The following ALK variants were observed in gnomAD, a reference collection of about 807,000 sequenced individuals.
ALK encodes ALK tyrosine kinase receptor.
A neutral mutation model predicts 163.1 loss-of-function variants in ALK; 74 were observed. The ratio of observed to expected loss-of-function variants is 0.45; its 90% CI spans 0.38 to 0.55. ALK has a LOEUF of 0.55. Ranked by LOEUF, ALK falls within the 20% of genes least tolerant of loss-of-function variation. ALK has a pLI of 0.00. For missense variants in ALK, 2,063 were observed against 2,105.3 expected, an observed-to-expected ratio of 0.98 and a Z score of 0.39; for synonymous variants, 960 against 843.2, an observed-to-expected ratio of 1.14 and a Z score of -2.40.
At chr2:29,852,840 CT>C (rs2148401872) in intron 1 of ALK, among the ~76,000 whole-genome samples, 2 of 27,688 alleles carry the variant, frequency 7.2e-5, no homozygotes, top group East Asian at 9.7e-4. Flanking sequence ...CTTTCTCTCT[CT>C]CTCTCTCTCT....
At chr2:29,211,160 A>C (rs1372656147) in intron 24 of ALK, among the ~76,000 whole-genome samples, 1 of 152,218 alleles carries the variant, frequency 6.6e-6, no homozygotes, top group African/African-American at 2.4e-5. Context: ...CTGAGGGTAC[A>C]AGAATAACGG....
chr2:29,640,113 C>A (rs1404715449), intron 3 of ALK, among the ~76,000 whole-genome samples: 1 of 152,182 alleles, frequency 6.6e-6, no homozygotes, highest in Non-Finnish European at 1.5e-5. Context: ...CCTCCAGTTC[C>A]CCCTTCTGTC....
intron 1 of ALK, among the ~76,000 whole-genome samples, chr2:29,891,926 G>A (rs945717464): frequency 3.3e-5 from 5 of 152,160 alleles, no homozygotes; most frequent in Admixed American, 3.3e-4. Context: ...CTGACCACAT[G>A]TCTTTTGCTT....
chr2:29,510,697 A>C (rs1226889403), intron 4 of ALK, among the ~76,000 whole-genome samples: 1 of 152,256 alleles, frequency 6.6e-6, no homozygotes, highest in Non-Finnish European at 1.5e-5. Flanking sequence ...GGATGTTTAT[A>C]GACTGAGGAA....
intron 4 of ALK, among the ~76,000 whole-genome samples, chr2:29,404,474 T>C (rs545834264): frequency 4.6e-5 from 7 of 152,178 alleles, no homozygotes; most frequent in Non-Finnish European, 8.8e-5. Context: ...GTGGAGAACC[T>C]GTTACATCAA....
chr2:29,718,193 T>C lies in ALK; in HGVS notation c.668-496A>G, dbSNP rs114127844. 4.6e-3 allele frequency among the ~76,000 whole-genome samples: 703 copies of C among 152,282 alleles called. 5 individuals are homozygous for C. Among genetic ancestry groups the C allele is most frequent in the African/African-American group, 0.016 (668 of 41,560 alleles). ...TATGAGTTCTTAACAATTATGTTAT[T>C]GTCAGGGTTGTGGGGGAAGCTAGGT... On this transcript the variant is annotated intron_variant, in intron 1 of 28. Transcript: ENST00000389048.
chr2:29,855,908 G>T (rs549334386), intron 1 of ALK, among the ~76,000 whole-genome samples: 3 of 152,198 alleles, frequency 2.0e-5, no homozygotes, highest in Non-Finnish European at 4.4e-5. Context: ...GTATCCTAAA[G>T]ATCACGTTTT....
At chr2:29,668,282 CTGGT>C (rs1677579204) in intron 3 of ALK, among the ~76,000 whole-genome samples, 1 of 151,500 alleles carries the variant, frequency 6.6e-6, no homozygotes, top group South Asian at 2.1e-4. Flanking sequence ...TATTTCTGCT[CTGGT>C]ATTTATTATT....
intron 3 of ALK, among the ~76,000 whole-genome samples, chr2:29,554,671 T>C (rs1222507177): frequency 2.0e-5 from 3 of 152,168 alleles, no homozygotes. Flanking sequence ...TCAGAGGTGT[T>C]TGAACCAGAG....
chr2:29,430,991 C>T (rs978960691), intron 4 of ALK, among the ~76,000 whole-genome samples: 4 of 147,784 alleles, frequency 2.7e-5, no homozygotes, highest in South Asian at 2.1e-4. Flanking sequence ...GAAGGCAAGG[C>T]GAGGCTTTTT....
intron 4 of ALK, among the ~76,000 whole-genome samples, chr2:29,468,092 G>A (rs1055394509): frequency 1.9e-4 from 29 of 151,278 alleles, no homozygotes; most frequent in African/African-American, 6.8e-4. Context: ...GTAGTGGCAC[G>A]ATCTCAGCTC....
intron 8 of ALK, among the ~76,000 whole-genome samples, chr2:29,316,108 G>A (rs1666828005): frequency 6.6e-6 from 1 of 152,144 alleles, no homozygotes; most frequent in Non-Finnish European, 1.5e-5. Flanking sequence ...CCGGGAGGAG[G>A]AAATCAACTT....
intron 5 of ALK, 71 bp from the exon 6 acceptor site, chr2:29,328,552 G>A (rs2148258605): frequency 6.2e-7 from 1 of 1,600,262 alleles, no homozygotes; most frequent in Admixed American, 1.7e-5. Flanking sequence ...CTGATGGGTT[G>A]GTCCCATGGG....
intron 15 of ALK, among the ~76,000 whole-genome samples, chr2:29,229,379 A>G (rs1664123531): frequency 6.6e-6 from 1 of 152,208 alleles, no homozygotes; most frequent in Admixed American, 6.5e-5. Context: ...GGACGTGGGC[A>G]GACAGGCAGC....
chr2:29,919,780 T>A (rs556423691), intron 1 of ALK, among the ~76,000 whole-genome samples: 2 of 152,036 alleles, frequency 1.3e-5, no homozygotes, highest in Non-Finnish European at 2.9e-5. Flanking sequence ...CCCAACTTGG[T>A]TGCTAAAGAG....
chr2:29,677,903 C>T (rs752974960), intron 3 of ALK, among the ~76,000 whole-genome samples: 3 of 152,056 alleles, frequency 2.0e-5, no homozygotes, highest in Admixed American at 2.0e-4. Flanking sequence ...CCAATGAAGG[C>T]ACCTGGGTCT....
intron 14 of ALK, among the ~76,000 whole-genome samples, chr2:29,233,092 A>G (rs1206099717): frequency 6.6e-6 from 1 of 152,218 alleles, no homozygotes; most frequent in East Asian, 1.9e-4. Context: ...TTTCCTGGAC[A>G]GACAGACTCT....
chr2:29,750,610 G>A (rs948744283), intron 1 of ALK, among the ~76,000 whole-genome samples: 1 of 145,124 alleles, frequency 6.9e-6, no homozygotes, highest in African/African-American at 2.6e-5. Context: ...TGAGTGGAGT[G>A]GAGTGTAACG....
At chr2:29,610,355 T>C (rs1229195611) in intron 3 of ALK, among the ~76,000 whole-genome samples, 1 of 152,156 alleles carries the variant, frequency 6.6e-6, no homozygotes, top group East Asian at 1.9e-4. Flanking sequence ...TATTGCATAC[T>C]CCAGAGAAAG....
Sources: allele counts gnomAD v4.1 joint callset (sites outside exome capture counted in the v4.1 genomes callset), GRCh38; gene constraint gnomAD v4.1.1; transcripts MANE v1.5; gene names NCBI Gene and HGNC (gene_info 2026-07-23, HGNC 2026-07-21).